TPTE: variants seen among roughly 807,000 people sequenced by gnomAD.
TPTE encodes the protein putative tyrosine-protein phosphatase TPTE.
In TPTE, 59 loss-of-function variants were observed where a neutral mutation model predicts 84.1. The ratio of observed to expected loss-of-function variants is 0.70; its 90% CI spans 0.57 to 0.87. TPTE has a LOEUF of 0.87. Among genes scored for constraint, TPTE ranks in the 40% least tolerant of loss-of-function variants. The probability of loss-of-function intolerance (pLI) is 0.00; values close to 1 mark genes in which losing one functional copy is unlikely to be tolerated. For synonymous variants in TPTE, 130 were observed against 223.5 expected, an observed-to-expected ratio of 0.58 and a Z score of 3.73; for missense variants, 382 against 659.6, an observed-to-expected ratio of 0.58 and a Z score of 4.61.
chr21:10,536,344 C>A lies in TPTE; in HGVS notation c.-43-2337C>A, dbSNP rs555971970. Among the ~76,000 whole-genome samples the A allele has an allele frequency of 1.4e-4, 21 of 152,426 alleles. No individual in the cohort carries two copies. In the East Asian group the frequency reaches 4.0e-3, roughly 29 times the overall value. ...ATATTTAAATGTCAACCAGATAGTA[C>A]ATTGTAGAGTAACTGTAGCTGTTTG... On this transcript the variant is annotated intron_variant, in intron 3 of 23. Transcript: ENST00000618007.
At chr21:10,533,015 T>C (rs1347692096) in intron 3 of TPTE, among the ~76,000 whole-genome samples, 1 of 152,306 alleles carries the variant, frequency 6.6e-6, no homozygotes, top group Non-Finnish European at 1.5e-5. Context: ...TTTTGGGAAA[T>C]TTATCATCAT....
intron 3 of TPTE, among the ~76,000 whole-genome samples, chr21:10,535,844 T>C (rs1472800954): frequency 6.6e-6 from 1 of 152,308 alleles, no homozygotes; most frequent in Non-Finnish European, 1.5e-5. Context: ...GACTCAGGCC[T>C]ACAGCTACAT....
chr21:10,530,732 G>C (rs1266558364), intron 3 of TPTE, among the ~76,000 whole-genome samples: 4 of 152,312 alleles, frequency 2.6e-5, no homozygotes, highest in Admixed American at 6.5e-5. Context: ...ACTGAATACT[G>C]CCTATTGCTC....
chr21:10,592,833 T>TGA (rs112621052), intron 19 of TPTE, among the ~76,000 whole-genome samples: 6 of 152,356 alleles, frequency 3.9e-5, no homozygotes, highest in African/African-American at 1.4e-4. Context: ...TGTGTGTGTG[T>TGA]CTTTTCTGTG....
chr21:10,537,675 C>T (rs1453905492), intron 3 of TPTE, among the ~76,000 whole-genome samples: 1 of 147,002 alleles, frequency 6.8e-6, no homozygotes, highest in Admixed American at 6.7e-5. Flanking sequence ...GAGACTCCCC[C>T]TCAAAAAAAA....
chr21:10,591,089 A>T (rs2075466173), intron 18 of TPTE, among the ~76,000 whole-genome samples: 1 of 152,304 alleles, frequency 6.6e-6, no homozygotes, highest in African/African-American at 2.4e-5. Context: ...TCTTAGGTAG[A>T]TAAAAAGCAA....
intron 20 of TPTE, among the ~76,000 whole-genome samples, chr21:10,596,497 G>GT (rs1413572040): frequency 1.3e-5 from 2 of 152,302 alleles, no homozygotes; most frequent in Non-Finnish European, 2.9e-5. Context: ...TCTCCGTATC[G>GT]TATCATTTTC....
intron 3 of TPTE, among the ~76,000 whole-genome samples, chr21:10,533,932 G>A (rs1266143975): frequency 1.3e-5 from 2 of 152,312 alleles, no homozygotes; most frequent in African/African-American, 4.8e-5. Context: ...ACAGAAAATG[G>A]AAGTGAGGTC....
At chr21:10,601,834 CAGTG>C (rs555770722) in intron 21 of TPTE, among the ~76,000 whole-genome samples, 353 of 151,798 alleles carry the variant, frequency 2.3e-3, no homozygotes, top group Non-Finnish European at 4.1e-3. Context: ...GCCTGGGTGA[CAGTG>C]AGACTCTGTC....
intron 17 of TPTE, among the ~76,000 whole-genome samples, chr21:10,581,276 T>TA (rs2075266680): frequency 1.3e-5 from 2 of 152,308 alleles, no homozygotes; most frequent in African/African-American, 4.8e-5. Flanking sequence ...TCTTTTGCTT[T>TA]AAAAATGGCC....
At chr21:10,577,967 T>A (rs1466863390) in intron 15 of TPTE, among the ~76,000 whole-genome samples, 1 of 152,308 alleles carries the variant, frequency 6.6e-6, no homozygotes, top group Non-Finnish European at 1.5e-5. Flanking sequence ...ATACCCTGTC[T>A]CTCTTGATTT....
chr21:10,576,838 C>CATAT (rs56285862), intron 14 of TPTE, among the ~76,000 whole-genome samples: 2,813 of 134,182 alleles, frequency 0.021, 2 homozygotes, highest in Non-Finnish European at 0.028. Context: ...TACATATATA[C>CATAT]ATATATATAT....
intron 8 of TPTE, among the ~76,000 whole-genome samples, chr21:10,556,492 G>A (rs539347393): frequency 2.3e-4 from 35 of 152,412 alleles, no homozygotes; most frequent in South Asian, 1.7e-3. Flanking sequence ...GAATAGTGCC[G>A]CAATAAACAT....
intron 4 of TPTE, among the ~76,000 whole-genome samples, chr21:10,539,935 G>C (rs1235298561): frequency 6.6e-6 from 1 of 152,304 alleles, no homozygotes; most frequent in Non-Finnish European, 1.5e-5. Context: ...CTTGAACCCG[G>C]GAGGCAGAGG....
intron 7 of TPTE, among the ~76,000 whole-genome samples, chr21:10,549,554 A>G (rs572410878): frequency 3.3e-5 from 5 of 152,410 alleles, no homozygotes; most frequent in African/African-American, 7.2e-5. Context: ...GATGAAATGA[A>G]AAAATACAAT....
intron 20 of TPTE, among the ~76,000 whole-genome samples, chr21:10,596,865 C>T (rs2075598557): frequency 6.6e-6 from 1 of 152,304 alleles, no homozygotes; most frequent in South Asian, 2.1e-4. Flanking sequence ...TGGTAGACAT[C>T]AATAGAAAGA....
chr21:10,605,434 ATGAAT>A lies in TPTE; in HGVS notation c.1541_1545del (p.Glu514GlyfsTer2). ...ATTCTTAGGCTTTATCTACCAAAAA[ATGAAT>A]TGGATAATCTACATAAACAAAAAGC... On this transcript the variant is annotated frameshift_variant, in exon 24 of 24. Coordinates refer to ENST00000618007, the MANE Select transcript of TPTE (RefSeq NM_199261.4). LOFTEE classifies it high-confidence loss of function. The A allele has an allele frequency of 6.2e-7, 1 of 1,614,080 alleles. No individual in the cohort carries two copies. Among genetic ancestry groups the A allele is most frequent in the South Asian group, 1.1e-5 (1 of 91,034 alleles).
intron 3 of TPTE, 101 bp from the exon 4 acceptor site, chr21:10,538,579 AC>A: frequency 6.4e-7 from 1 of 1,553,672 alleles, no homozygotes; most frequent in South Asian, 1.1e-5. Flanking sequence ...AATAGTCAGA[AC>A]TTAACTGGTT....
rs750108858 is a variant in TPTE, at chr21:10,569,465, CTTA to C, written c.601_603del (p.Ile201del). ...GACACATTTACTTCGACTTCTACGACTTATTATTCTGTTAAGAATTTTTCATCT... is the reference window on the plus strand; with the variant it reads ...GACACATTTACTTCGACTTCTACGACTTATTCTGTTAAGAATTTTTCATCT... On this transcript the variant is annotated inframe_deletion, in exon 12 of 24. Coordinates refer to ENST00000618007, the MANE Select transcript of TPTE (RefSeq NM_199261.4). The C allele has an allele frequency of 1.8e-5, 29 of 1,613,678 alleles. No individual in the cohort carries two copies. The highest frequency in any genetic ancestry group is 1.7e-4 in the Middle Eastern group (1 of 6,048).
Sources: allele counts gnomAD v4.1 joint callset (sites outside exome capture counted in the v4.1 genomes callset), GRCh38; gene constraint gnomAD v4.1.1; transcripts MANE v1.5; gene names NCBI Gene and HGNC (gene_info 2026-07-23, HGNC 2026-07-21).